The following DGKI variants were observed in gnomAD, a reference collection of about 807,000 sequenced individuals.
DGKI encodes DAG kinase iota.
DGKI carries 55 observed loss-of-function variants against 147.5 expected under a neutral mutation model. The ratio of observed to expected loss-of-function variants is 0.37; its 90% confidence interval spans 0.30 to 0.47. The LOEUF is 0.47. Ranked by LOEUF, DGKI falls within the 20% of genes least tolerant of loss-of-function variation. DGKI has a pLI of 1.00. For missense variants in DGKI, 1,007 were observed against 1,323.8 expected (o/e 0.76, Z 3.71); for synonymous variants, 469 against 477.1 (o/e 0.98, Z 0.22).
At chr7:137,449,071 A>C (rs1468306784) in intron 27 of DGKI, among the ~76,000 whole-genome samples, 2 of 152,220 alleles carry the variant, frequency 1.3e-5, no homozygotes, top group African/African-American at 4.8e-5. Flanking sequence ...TATTTTAAGC[A>C]ACCTAGAGAT....
chr7:137,608,537 A>G (rs1361455161), intron 10 of DGKI, among the ~76,000 whole-genome samples: 1 of 152,206 alleles, frequency 6.6e-6, no homozygotes, highest in Non-Finnish European at 1.5e-5. Context: ...TGGCTCATGA[A>G]TCATCCTTTT....
chr7:137,707,185 A>G (rs1794063777), intron 1 of DGKI, among the ~76,000 whole-genome samples: 1 of 152,108 alleles, frequency 6.6e-6, no homozygotes, highest in South Asian at 2.1e-4. Flanking sequence ...AATGGCTTTG[A>G]ATTAGGGAGT....
intron 19 of DGKI, among the ~76,000 whole-genome samples, chr7:137,553,827 T>C (rs1244837449): frequency 1.3e-5 from 2 of 152,206 alleles, no homozygotes; most frequent in Non-Finnish European, 2.9e-5. Context: ...GTTACTAAAA[T>C]TCTTTTTGCC....
At chr7:137,675,731 C>CA (rs1472524860) in intron 3 of DGKI, among the ~76,000 whole-genome samples, 1 of 150,162 alleles carries the variant, frequency 6.7e-6, no homozygotes, top group Non-Finnish European at 1.5e-5. Flanking sequence ...AGTCCAACTC[C>CA]AAGCATACTG....
intron 1 of DGKI, among the ~76,000 whole-genome samples, chr7:137,816,744 C>A (rs955451443): frequency 6.6e-6 from 1 of 152,058 alleles, no homozygotes; most frequent in African/African-American, 2.4e-5. Context: ...GAAGGAGAGG[C>A]AAATTTTTAT....
rs563508080 is a variant in DGKI, at chr7:137,722,378, A to C, written c.402-32376T>G. The C allele has an allele frequency of 5.5e-5, 88 of 1,612,790 alleles. 2 individuals are homozygous for C. In the South Asian group the frequency reaches 8.2e-4, roughly 15 times the overall value. The stretch of plus-strand genomic sequence containing the variant: ...CGAAAGCTGTTGAGCCACAGCAAAA[A>C]ACCCTTCAGTCAGCACGTGAGAAAA... On this transcript the variant is annotated intron_variant, in intron 1 of 32. Coordinates refer to ENST00000614521, the MANE Select transcript of DGKI (RefSeq NM_001321708.2).
chr7:137,725,425 A>G (rs1265423117), intron 1 of DGKI, among the ~76,000 whole-genome samples: 1 of 152,078 alleles, frequency 6.6e-6, no homozygotes, highest in African/African-American at 2.4e-5. Context: ...TTATGCCTCT[A>G]CCATTCTCCC....
intron 1 of DGKI, among the ~76,000 whole-genome samples, chr7:137,719,901 C>T (rs1464738451): frequency 2.0e-5 from 3 of 152,122 alleles, no homozygotes; most frequent in African/African-American, 7.2e-5. Flanking sequence ...GTAACCTGGT[C>T]CTGAAACATT....
intron 1 of DGKI, among the ~76,000 whole-genome samples, chr7:137,782,815 G>C (rs553852862): frequency 6.6e-6 from 1 of 152,282 alleles, no homozygotes; most frequent in South Asian, 2.1e-4. Context: ...CACATCACAG[G>C]ACTCATTGCA....
At chr7:137,798,818 A>G (rs1797110612) in intron 1 of DGKI, among the ~76,000 whole-genome samples, 1 of 152,208 alleles carries the variant, frequency 6.6e-6, no homozygotes, top group African/African-American at 2.4e-5. Flanking sequence ...AGGAGATTTT[A>G]CCCTAGGAGT....
chr7:137,456,228 G>T (rs1337693541), intron 27 of DGKI, among the ~76,000 whole-genome samples: 2 of 152,058 alleles, frequency 1.3e-5, no homozygotes. Flanking sequence ...ATTTTGATCT[G>T]TGAATTCCCT....
At position 137,785,160 on chromosome 7, in the gene DGKI, AC is replaced by A. The variant is rs552227799; in HGVS notation, c.401+61301del. ...ATGAAACTGAAACAACAACAAAAAA[AC>A]AATACAAAAGATAGATTAAACAAAA... On this transcript the variant is annotated intron_variant, in intron 1 of 32. Coordinates refer to ENST00000614521, the MANE Select transcript of DGKI (RefSeq NM_001321708.2). 3.5e-3 allele frequency among the ~76,000 whole-genome samples: 531 copies of A among 151,336 alleles called. 1 individual carries two copies. The highest frequency in any genetic ancestry group is 0.012 in the African/African-American group (492 of 41,218).
chr7:137,620,037 A>G (rs1042949535), intron 7 of DGKI, 97 bp from the exon 8 acceptor site: 8 of 752,438 alleles, frequency 1.1e-5, no homozygotes, highest in African/African-American at 6.9e-5. Context: ...ACACACACAC[A>G]CACACACACA....
chr7:137,837,745 A>G (rs1172101342), intron 1 of DGKI, among the ~76,000 whole-genome samples: 1 of 152,162 alleles, frequency 6.6e-6, no homozygotes, highest in East Asian at 1.9e-4. Flanking sequence ...TCCAACCTCC[A>G]GAATGATGAG....
chr7:137,693,726 T>G (rs1823687878), intron 1 of DGKI, among the ~76,000 whole-genome samples: 1 of 152,236 alleles, frequency 6.6e-6, no homozygotes, highest in Non-Finnish European at 1.5e-5. Flanking sequence ...AACAGCTTGC[T>G]GATTAGATCA....
intron 23 of DGKI, among the ~76,000 whole-genome samples, chr7:137,473,118 T>C (rs572324896): frequency 6.6e-6 from 1 of 152,158 alleles, no homozygotes; most frequent in Admixed American, 6.5e-5. Context: ...TATCTTTTTA[T>C]GTGCAGGTGG....
intron 1 of DGKI, among the ~76,000 whole-genome samples, chr7:137,708,308 T>A (rs1794104877): frequency 6.6e-6 from 1 of 152,248 alleles, no homozygotes; most frequent in South Asian, 2.1e-4. Flanking sequence ...GCAATTAAAC[T>A]TGCTTTATTA....
chr7:137,609,620 AG>A lies in DGKI; in HGVS notation c.994-12del. On this transcript the variant is annotated splice_polypyrimidine_tract_variant and intron_variant, in intron 8 of 32. Transcript: ENST00000614521. ...AGCCTTCAGGGAGTTCTGTAGGGAGAGAGAGAAATGCCTGAGCTCAGAGGCA... is the reference window on the plus strand; with the variant it reads ...AGCCTTCAGGGAGTTCTGTAGGGAGAAGAGAAATGCCTGAGCTCAGAGGCA... The A allele has an allele frequency of 6.2e-7, 1 of 1,608,824 alleles. No homozygotes were observed. The highest frequency in any genetic ancestry group is 8.5e-7 in the Non-Finnish European group (1 of 1,175,860).
At position 137,470,636 on chromosome 7, in the gene DGKI, T is replaced by C. The variant is rs542275816; in HGVS notation, c.2374-1017A>G. The stretch of plus-strand genomic sequence containing the variant: ...AGGCTGGAGTGCAGTGGTGTGATCA[T>C]GGCTCACCATAGCCTCAGTTTCCTG... On this transcript the variant is annotated intron_variant, in intron 23 of 32. Transcript: ENST00000614521. Among the ~76,000 whole-genome samples, 39 of 152,284 alleles carry C rather than the reference T, an allele frequency of 2.6e-4. No homozygotes were observed. The East Asian group carries it at 7.5e-3, about 29-fold the overall frequency.
Sources: allele counts gnomAD v4.1 joint callset (sites outside exome capture counted in the v4.1 genomes callset), GRCh38; gene constraint gnomAD v4.1.1; transcripts MANE v1.5; gene names NCBI Gene and HGNC (gene_info 2026-07-23, HGNC 2026-07-21).